LEPR: variants seen among roughly 807,000 people sequenced by gnomAD.
LEPR encodes the protein OB receptor.
In LEPR, 56 loss-of-function variants were observed where a neutral mutation model predicts 114.7. That is an observed-to-expected ratio of 0.49 (90% CI 0.39 to 0.61). LEPR has a LOEUF of 0.61. Ranked by LOEUF, LEPR falls within the 20% of genes least tolerant of loss-of-function variation. The probability of loss-of-function intolerance (pLI) is 0.00; values close to 1 mark genes in which losing one functional copy is unlikely to be tolerated. For synonymous variants in LEPR, 443 were observed against 461.4 expected (o/e 0.96, Z 0.51); for missense variants, 1,202 against 1,352.9 (o/e 0.89, Z 1.75).
intron 2 of LEPR, among the ~76,000 whole-genome samples, chr1:65,552,056 C>T (rs1652420487): frequency 6.6e-6 from 1 of 152,174 alleles, no homozygotes; most frequent in African/African-American, 2.4e-5. Flanking sequence ...TTTGATTACA[C>T]TGTGGTCTGA....
chr1:65,552,489 G>A (rs1461958885), intron 2 of LEPR, among the ~76,000 whole-genome samples: 1 of 151,998 alleles, frequency 6.6e-6, no homozygotes, highest in African/African-American at 2.4e-5. Context: ...GGTCTTTGTT[G>A]GTTTAAAGTC....
chr1:65,550,890 A>T (rs1652279804), intron 2 of LEPR, among the ~76,000 whole-genome samples: 1 of 152,036 alleles, frequency 6.6e-6, no homozygotes, highest in Admixed American at 6.5e-5. Flanking sequence ...GGAAATGCAG[A>T]AATCACCCGT....
chr1:65,620,032 T>A lies in LEPR; in HGVS notation c.2491+9T>A. The A allele has an allele frequency of 1.3e-6, 2 of 1,599,196 alleles. No homozygotes were observed. The highest frequency in any genetic ancestry group is 1.7e-6 in the Non-Finnish European group (2 of 1,167,388). On this transcript the variant is annotated intron_variant, in intron 17 of 19. Coordinates refer to ENST00000349533, the MANE Select transcript of LEPR (RefSeq NM_002303.6). ...TAATAGTTTCACTCAAGGTAAAAAT[T>A]ATAATTTTAGTTTCCTTTTACACCA...
intron 2 of LEPR, among the ~76,000 whole-genome samples, chr1:65,442,739 C>T (rs926342627): frequency 7.2e-5 from 11 of 152,224 alleles, no homozygotes; most frequent in African/African-American, 2.6e-4. Context: ...AAAAATAAAG[C>T]AATGCCTTCC....
intron 2 of LEPR, among the ~76,000 whole-genome samples, chr1:65,498,523 T>C (rs1648278673): frequency 1.3e-5 from 2 of 152,028 alleles, no homozygotes; most frequent in Non-Finnish European, 2.9e-5. Flanking sequence ...TGGCGAAATA[T>C]GACATTTTCT....
rs754213486 is a variant in LEPR at position 65,616,113 on chromosome 1, T to C, written c.2101T>C (p.Phe701Leu). 2 of 1,614,186 alleles carry C rather than the reference T, an allele frequency of 1.2e-6. No individual in the cohort carries two copies. The highest frequency in any genetic ancestry group is 2.2e-5 in the South Asian group (2 of 91,088). ...AGAAGATGTGGGAAATCACACGAAA[T>C]TCACTTTCCTGTGGACAGAGCAAGC... ...WSEDVGNHTK[F>L]TFLWTEQAHT... is the part of the protein sequence containing the mutation. Residue 701 changes from phenylalanine to leucine, a missense_variant, in exon 15 of 20, where the codon TTC becomes CTC. Transcript: ENST00000349533.
chr1:65,430,603 A>G (rs1272724937), intron 2 of LEPR, among the ~76,000 whole-genome samples: 1 of 152,166 alleles, frequency 6.6e-6, no homozygotes, highest in Non-Finnish European at 1.5e-5. Context: ...CTTTCCTACT[A>G]TTTGATTTTA....
chr1:65,634,195 G>A (rs1334693793), intron 19 of LEPR: 2 of 982,444 alleles, frequency 2.0e-6, no homozygotes, highest in Non-Finnish European at 2.4e-6. Context: ...AATGAACTCA[G>A]TATTCAAATT....
rs1441659047 is a variant in LEPR, at chr1:65,592,884, T to C, written c.703+19T>C. The C allele has an allele frequency of 6.2e-7, 1 of 1,611,804 alleles. No homozygotes were observed. Among genetic ancestry groups the C allele is most frequent in the East Asian group, 2.2e-5 (1 of 44,840 alleles). ...AATATGGGTAAGTTATGCACTAAAA[T>C]GATGATAATAGGTCTAAACATCAGT... On this transcript the variant is annotated intron_variant, in intron 6 of 19. Transcript: ENST00000349533.
intron 2 of LEPR, among the ~76,000 whole-genome samples, chr1:65,501,837 G>A (rs186163207): frequency 2.3e-4 from 35 of 152,220 alleles, no homozygotes; most frequent in Non-Finnish European, 3.8e-4. Context: ...GTTCTGATGC[G>A]TCCTCCTTGA....
chr1:65,420,840 C>A, intron 1 of LEPR, 100 bp downstream of exon 1: 1 of 1,379,634 alleles, frequency 7.2e-7, no homozygotes, highest in Non-Finnish European at 1.0e-6. Flanking sequence ...TGGGGAACGG[C>A]CTCACCACCC....
chr1:65,636,784 G>C lies in LEPR; in HGVS notation c.3267G>C (p.Glu1089Asp), dbSNP rs368284717. ...YLGVTSIKKRESGVLLTDKSR... is the reference protein window; with the variant it reads ...YLGVTSIKKRDSGVLLTDKSR... ...GGGTCACCTCAATCAAAAAGAGAGAGAGTGGTGTGCTTTTGACTGACAAGT... is the reference window on the plus strand; with the variant it reads ...GGGTCACCTCAATCAAAAAGAGAGACAGTGGTGTGCTTTTGACTGACAAGT... Residue 1089 changes from glutamate to aspartate, a missense_variant, in exon 20 of 20, where the codon GAG becomes GAC. Transcript: ENST00000349533. The C allele has an allele frequency of 1.2e-6, 2 of 1,614,068 alleles. No individual in the cohort carries two copies. The highest frequency in any genetic ancestry group is 2.7e-5 in the African/African-American group (2 of 75,052).
chr1:65,506,262 T>C (rs1648723164), intron 2 of LEPR, among the ~76,000 whole-genome samples: 1 of 152,122 alleles, frequency 6.6e-6, no homozygotes, highest in African/African-American at 2.4e-5. Context: ...TAACATATTG[T>C]CCCACTCCTG....
chr1:65,475,042 T>C (rs373581499), intron 2 of LEPR, among the ~76,000 whole-genome samples: 4 of 52,146 alleles, frequency 7.7e-5, no homozygotes, highest in African/African-American at 2.6e-4. Flanking sequence ...AGCAAGAAAA[T>C]AATCATTTTG....
chr1:65,471,469 C>T (rs1179652925), intron 2 of LEPR, among the ~76,000 whole-genome samples: 1 of 152,156 alleles, frequency 6.6e-6, no homozygotes, highest in African/African-American at 2.4e-5. Flanking sequence ...TCCCAGAAAG[C>T]GTTAGGGAAT....
chr1:65,435,899 A>C, intron 2 of LEPR: 1 of 984,782 alleles, frequency 1.0e-6, no homozygotes, highest in Non-Finnish European at 1.2e-6. Context: ...CATAAATTAT[A>C]ATCTTTCAAA....
At chr1:65,542,874 T>C (rs1394379752) in intron 2 of LEPR, among the ~76,000 whole-genome samples, 1 of 151,980 alleles carries the variant, frequency 6.6e-6, no homozygotes, top group Non-Finnish European at 1.5e-5. Context: ...TGATGGCCAT[T>C]TGGGTTGGTT....
At chr1:65,455,929 G>A (rs1646866528) in intron 2 of LEPR, among the ~76,000 whole-genome samples, 1 of 152,170 alleles carries the variant, frequency 6.6e-6, no homozygotes, top group African/African-American at 2.4e-5. Flanking sequence ...CTAGCAATCA[G>A]TGAGACTCCG....
At chr1:65,501,881 A>G (rs1458535032) in intron 2 of LEPR, among the ~76,000 whole-genome samples, 4 of 152,106 alleles carry the variant, frequency 2.6e-5, no homozygotes. Flanking sequence ...TTCCTTTAGA[A>G]CCACACTTGA....
Sources: gnomAD v4.1 joint callset for allele counts (sites outside exome capture counted in the v4.1 genomes callset) on GRCh38, gnomAD v4.1.1 for gene constraint, MANE v1.5 for transcripts, NCBI Gene and HGNC (gene_info 2026-07-23, HGNC 2026-07-21) for gene names.